Variants in PHACTR1 observed in about 807,000 individuals in gnomAD.
The protein encoded by PHACTR1 is phosphatase and actin regulator 1.
A neutral mutation model predicts 69.2 loss-of-function variants in PHACTR1; 16 were observed. That is an observed-to-expected ratio of 0.23 (90% CI 0.16 to 0.35). The LOEUF (loss-of-function observed/expected upper bound fraction) is 0.35. Ranked by LOEUF, PHACTR1 falls within the 10% of genes least tolerant of loss-of-function variation. The probability of loss-of-function intolerance (pLI) is 1.00; values close to 1 mark genes in which losing one functional copy is unlikely to be tolerated. For synonymous variants in PHACTR1, 312 were observed against 284.5 expected (o/e 1.10, Z -0.97); for missense variants, 510 against 734.7 (o/e 0.69, Z 3.54).
chr6:13,052,293 C>A (rs1056701497), intron 4 of PHACTR1, among the ~76,000 whole-genome samples: 2 of 152,178 alleles, frequency 1.3e-5, no homozygotes, highest in Non-Finnish European at 1.5e-5. Flanking sequence ...ATGTTCAGAC[C>A]ACAACAAGCT....
At chr6:12,905,900 A>G (rs1470488912) in intron 4 of PHACTR1, among the ~76,000 whole-genome samples, 2 of 152,242 alleles carry the variant, frequency 1.3e-5, no homozygotes, top group Non-Finnish European at 2.9e-5. Flanking sequence ...ACAGTGTCCC[A>G]ACATAGCATA....
intron 4 of PHACTR1, among the ~76,000 whole-genome samples, chr6:12,763,521 T>C (rs961862459): frequency 1.2e-4 from 18 of 152,336 alleles, no homozygotes; most frequent in Non-Finnish European, 2.5e-4. Context: ...CTGGGATCTG[T>C]GTTCTGTCTC....
chr6:12,823,970 C>A (rs1440040960), intron 4 of PHACTR1, among the ~76,000 whole-genome samples: 2 of 152,106 alleles, frequency 1.3e-5, no homozygotes, highest in East Asian at 3.9e-4. Context: ...GTCCCCAACC[C>A]CCGGGCCAGG....
At chr6:12,985,331 A>G (rs973846101) in intron 4 of PHACTR1, among the ~76,000 whole-genome samples, 2 of 152,074 alleles carry the variant, frequency 1.3e-5, no homozygotes, top group African/African-American at 4.8e-5. Context: ...TAGATTTTGC[A>G]TGGGCTCAAA....
At chr6:12,724,904 A>G (rs941228189) in intron 3 of PHACTR1, among the ~76,000 whole-genome samples, 7 of 152,214 alleles carry the variant, frequency 4.6e-5, no homozygotes, top group African/African-American at 1.7e-4. Context: ...GACAAAAGTC[A>G]CTAGGCAATC....
Position 12,898,674 on chromosome 6 carries a change from A to G in PHACTR1, c.250+148884A>G, listed in dbSNP as rs531850694. Among the ~76,000 whole-genome samples the G allele has an allele frequency of 2.6e-5, 4 of 152,162 alleles. No homozygotes were observed. In the East Asian group the frequency reaches 7.7e-4, roughly 29 times the overall value. On this transcript the variant is annotated intron_variant, in intron 4 of 14. Coordinates refer to ENST00000332995, the MANE Select transcript of PHACTR1 (RefSeq NM_030948.6). ...GCTCCTGGCAGGACTCATTGCTTCC[A>G]TTCTTTCGGATCCAGTCTCGTGCTG... is the stretch of plus-strand genomic sequence containing the variant.
intron 4 of PHACTR1, among the ~76,000 whole-genome samples, chr6:13,050,190 TCAAA>T (rs1805707401): frequency 6.6e-6 from 1 of 152,244 alleles, no homozygotes; most frequent in Non-Finnish European, 1.5e-5. Flanking sequence ...AGCAGAATGC[TCAAA>T]TTCAGTGTTA....
chr6:13,153,311 C>T (rs531758873), intron 5 of PHACTR1, among the ~76,000 whole-genome samples: 1 of 152,128 alleles, frequency 6.6e-6, no homozygotes, highest in Non-Finnish European at 1.5e-5. Flanking sequence ...GTTTAGAGAG[C>T]CTTCCTTGGA....
chr6:12,871,083 T>A (rs1471651096), intron 4 of PHACTR1, among the ~76,000 whole-genome samples: 1 of 152,058 alleles, frequency 6.6e-6, no homozygotes, highest in East Asian at 1.9e-4. Flanking sequence ...ATCTAATCTA[T>A]CTAGGAAGGA....
chr6:13,192,745 CA>C (rs750538080), intron 7 of PHACTR1, among the ~76,000 whole-genome samples: 1 of 152,148 alleles, frequency 6.6e-6, no homozygotes, highest in Non-Finnish European at 1.5e-5. Context: ...CTAAACATCC[CA>C]GGGGTAAGTT....
At chr6:13,272,954 G>T (rs957159815) in intron 11 of PHACTR1, 39 bp downstream of exon 11, 17 of 1,610,432 alleles carry the variant, frequency 1.1e-5, no homozygotes, top group Non-Finnish European at 1.4e-5. Context: ...GATGTTTTGT[G>T]GCGGCTTTTG....
intron 5 of PHACTR1, among the ~76,000 whole-genome samples, chr6:13,112,256 A>G (rs1171013434): frequency 1.3e-5 from 2 of 152,190 alleles, no homozygotes; most frequent in Non-Finnish European, 2.9e-5. Flanking sequence ...TATGTACCAC[A>G]TGTTTTTTAT....
chr6:12,897,958 T>C (rs984986284), intron 4 of PHACTR1, among the ~76,000 whole-genome samples: 2 of 152,094 alleles, frequency 1.3e-5, no homozygotes, highest in African/African-American at 4.8e-5. Context: ...AGTGAGAACA[T>C]GTGGTATTTG....
chr6:13,019,195 G>A (rs1311397933), intron 4 of PHACTR1, among the ~76,000 whole-genome samples: 1 of 151,910 alleles, frequency 6.6e-6, no homozygotes, highest in African/African-American at 2.4e-5. Context: ...TTACAAGCGT[G>A]AGCCGCAGTG....
intron 4 of PHACTR1, among the ~76,000 whole-genome samples, chr6:12,758,466 TAAA>T (rs11361990): frequency 5.2e-5 from 5 of 95,782 alleles, no homozygotes; most frequent in Non-Finnish European, 4.0e-5. Context: ...ACTCTCTTTC[TAAA>T]AAAAAAAAAA....
intron 4 of PHACTR1, among the ~76,000 whole-genome samples, chr6:13,035,574 G>A (rs900390867): frequency 6.6e-6 from 1 of 152,072 alleles, no homozygotes; most frequent in African/African-American, 2.4e-5. Context: ...TATACTTAAA[G>A]TATTATTTTA....
intron 5 of PHACTR1, among the ~76,000 whole-genome samples, chr6:13,150,811 T>C (rs1220093099): frequency 6.6e-6 from 1 of 152,210 alleles, no homozygotes; most frequent in African/African-American, 2.4e-5. Context: ...TTTTGAAACA[T>C]CTCTTTATCT....
chr6:12,907,179 C>T (rs2876301), intron 4 of PHACTR1, among the ~76,000 whole-genome samples: 81,841 of 151,636 alleles, frequency 0.54, 24,183 homozygotes, highest in East Asian at 0.91. Flanking sequence ...TGGCTTTTTC[C>T]GTTACATTAC....
At chr6:13,147,224 A>G (rs952980735) in intron 5 of PHACTR1, among the ~76,000 whole-genome samples, 3 of 152,216 alleles carry the variant, frequency 2.0e-5, no homozygotes, top group Non-Finnish European at 2.9e-5. Context: ...AATTCTCAGA[A>G]AAGACAACTG....
Sources: allele counts gnomAD v4.1 joint callset (sites outside exome capture counted in the v4.1 genomes callset), GRCh38; gene constraint gnomAD v4.1.1; transcripts MANE v1.5; gene names NCBI Gene and HGNC (gene_info 2026-07-23, HGNC 2026-07-21).